Variants in LIFR observed in about 807,000 individuals in gnomAD.
The protein encoded by LIFR is LIF receptor subunit alpha.
Under a neutral mutation model 122.2 loss-of-function variants are expected in LIFR, and 84 were observed. The observed-to-expected ratio is 0.69, with a 90% CI of 0.58 to 0.82. The LOEUF is 0.82. Ranked by LOEUF, LIFR falls within the 40% of genes least tolerant of loss-of-function variation. LIFR has a pLI of 0.00. For synonymous variants in LIFR, 422 were observed against 434.7 expected (o/e 0.97, Z 0.36); for missense variants, 1,294 against 1,311.6 (o/e 0.99, Z 0.21).
chr5:38,599,045 C>T (rs540057239), upstream of LIFR, among the ~76,000 whole-genome samples: 1 of 152,160 alleles, frequency 6.6e-6, no homozygotes, highest in Admixed American at 6.5e-5. Flanking sequence ...TCTTCTGGGT[C>T]CTAAACCTTA....
chr5:38,541,585 TC>T (rs1208988391), intron 1 of LIFR, among the ~76,000 whole-genome samples: 1 of 152,228 alleles, frequency 6.6e-6, no homozygotes, highest in Non-Finnish European at 1.5e-5. Context: ...GAGTGCTAAT[TC>T]ATAGGATGAT....
intron 1 of LIFR, among the ~76,000 whole-genome samples, chr5:38,587,926 G>A (rs1287682944): frequency 6.6e-6 from 1 of 152,220 alleles, no homozygotes; most frequent in African/African-American, 2.4e-5. Context: ...GGGATTCAAA[G>A]GCCCTGGCCT....
chr5:38,484,943 T>C (rs1306675141), intron 17 of LIFR, 75 bp from the exon 18 acceptor site: 3 of 998,004 alleles, frequency 3.0e-6, no homozygotes, highest in Middle Eastern at 2.0e-4. Flanking sequence ...TGTTAGAAGG[T>C]ATTTAGGTTG....
Position 38,476,455 on chromosome 5 carries a change from G to C in LIFR, c.*5140C>G, listed in dbSNP as rs1486260926. 4.8e-6 allele frequency: 1 copy of C among 210,050 alleles called. No homozygotes were observed. The highest frequency in any genetic ancestry group is 9.6e-6 in the Non-Finnish European group (1 of 103,738). 13.0% of individuals were successfully genotyped at this position (210,050 alleles called of 1,614,324 possible). A position where few individuals can be genotyped will look rare whatever the true frequency, so the allele number is the denominator to read the frequency against. ...TATAAGGAAATTCAACAACTTAAGT[G>C]AGCCATTCAATCACGTGTGCAAAGT... On this transcript the variant is annotated 3_prime_UTR_variant, in exon 20 of 20. Coordinates refer to ENST00000453190, the MANE Select transcript of LIFR (RefSeq NM_001127671.2).
intron 1 of LIFR, among the ~76,000 whole-genome samples, chr5:38,577,377 C>G (rs1749421711): frequency 6.6e-6 from 1 of 152,238 alleles, no homozygotes; most frequent in South Asian, 2.1e-4. Context: ...TTATTCCCTA[C>G]CCAGCTCTCA....
chr5:38,513,479 T>C (rs1745912641), intron 5 of LIFR, among the ~76,000 whole-genome samples: 1 of 152,204 alleles, frequency 6.6e-6, no homozygotes, highest in African/African-American at 2.4e-5. Flanking sequence ...GGCAGAAGAA[T>C]AAAGATTTAT....
In LIFR at chr5:38,475,576, T is replaced by C. The variant is rs1398867977; in HGVS notation, c.*6019A>G. ...ATTAGTAAACAGTTACTAGTATTTATAAAAAACTTAAAATATTTAACATAT... is the reference window on the plus strand; with the variant it reads ...ATTAGTAAACAGTTACTAGTATTTACAAAAAACTTAAAATATTTAACATAT... On this transcript the variant is annotated 3_prime_UTR_variant, in exon 20 of 20. Coordinates refer to ENST00000453190, the MANE Select transcript of LIFR (RefSeq NM_001127671.2). The C allele has an allele frequency of 5.3e-6, 1 of 187,830 alleles. No homozygotes were observed. Among genetic ancestry groups the C allele is most frequent in the African/African-American group, 2.3e-5 (1 of 42,828 alleles). 11.6% of individuals were successfully genotyped at this position (187,830 alleles called of 1,614,324 possible).
chr5:38,477,594 T>C lies in LIFR; in HGVS notation c.*4001A>G. On this transcript the variant is annotated 3_prime_UTR_variant, in exon 20 of 20. Transcript: ENST00000453190. ...CACTTAAAATTATGGAGAAATAAGATATCTAGTGATATACAGGCATGAGTC... is the reference window on the plus strand; with the variant it reads ...CACTTAAAATTATGGAGAAATAAGACATCTAGTGATATACAGGCATGAGTC... 1 of 212,260 alleles carries C rather than the reference T, an allele frequency of 4.7e-6. No individual in the cohort carries two copies. The highest frequency in any genetic ancestry group is 9.6e-6 in the Non-Finnish European group (1 of 104,690). The allele number at this position is 212,260 out of a possible 1,614,324, so 13.1% of individuals were successfully genotyped here.
intron 1 of LIFR, among the ~76,000 whole-genome samples, chr5:38,592,819 A>G (rs1414127808): frequency 1.3e-5 from 2 of 152,134 alleles, no homozygotes; most frequent in Admixed American, 6.5e-5. Context: ...TGCAAATTTA[A>G]TGGTAATAAA....
intron 4 of LIFR, 59 bp downstream of exon 4, chr5:38,527,096 C>T: frequency 6.8e-7 from 1 of 1,465,296 alleles, no homozygotes; most frequent in African/African-American, 1.4e-5. Flanking sequence ...GAAAGCACCA[C>T]AATACTAACA....
intron 14 of LIFR, among the ~76,000 whole-genome samples, chr5:38,492,978 T>C (rs1017190324): frequency 1.8e-4 from 27 of 152,176 alleles, no homozygotes; most frequent in Admixed American, 9.2e-4. Context: ...TCAGGCTGCA[T>C]CCCATAGAGG....
chr5:38,527,034 G>T, intron 4 of LIFR, 121 bp downstream of exon 4: 1 of 864,964 alleles, frequency 1.2e-6, no homozygotes. Context: ...TCATAGGGAG[G>T]TTGCTGAGTG....
rs1743930104 is a variant in LIFR at position 38,480,468 on chromosome 5, A to T, written c.*1127T>A. 4.6e-6 allele frequency: 1 copy of T among 216,946 alleles called. No homozygotes were observed. Among genetic ancestry groups the T allele is most frequent in the South Asian group, 1.9e-4 (1 of 5,404 alleles). 13.4% of individuals were successfully genotyped at this position (216,946 alleles called of 1,614,324 possible). On this transcript the variant is annotated 3_prime_UTR_variant, in exon 20 of 20. Transcript: ENST00000453190. The stretch of plus-strand genomic sequence containing the variant: ...GCCCTTGGGTAACTGTTCCTGTAAG[A>T]AGCATTCTCTCTTTAGTTTTATATT...
chr5:38,552,278 G>A (rs2112656403), intron 1 of LIFR, among the ~76,000 whole-genome samples: 1 of 152,338 alleles, frequency 6.6e-6, no homozygotes, highest in African/African-American at 2.4e-5. Flanking sequence ...AGTCACAGGA[G>A]AAAGATGTAG....
intron 18 of LIFR, among the ~76,000 whole-genome samples, chr5:38,483,542 C>T (rs1013930443): frequency 1.3e-5 from 2 of 152,070 alleles, no homozygotes; most frequent in Non-Finnish European, 2.9e-5. Context: ...CTGCCTCAGC[C>T]TCCTAGCCTC....
intron 1 of LIFR, among the ~76,000 whole-genome samples, chr5:38,545,738 T>C (rs2112631320): frequency 6.6e-6 from 1 of 151,672 alleles, no homozygotes; most frequent in East Asian, 1.9e-4. Context: ...GGCGGGCGCC[T>C]GTAGTCCCAG....
At chr5:38,499,487 T>C (rs890118001) in intron 12 of LIFR, 26 bp downstream of exon 12, 2 of 1,454,486 alleles carry the variant, frequency 1.4e-6, no homozygotes, top group East Asian at 4.5e-5. Flanking sequence ...GTAATGTAAA[T>C]GTTCACAGAA....
At chr5:38,491,206 C>G (rs1472579253) in intron 14 of LIFR, among the ~76,000 whole-genome samples, 1 of 152,164 alleles carries the variant, frequency 6.6e-6, no homozygotes, top group African/African-American at 2.4e-5. Context: ...AGAGGTACTT[C>G]CAATTGAAGT....
At chr5:38,554,766 C>G (rs927622327) in intron 1 of LIFR, among the ~76,000 whole-genome samples, 6 of 152,198 alleles carry the variant, frequency 3.9e-5, no homozygotes, top group Non-Finnish European at 8.8e-5. Flanking sequence ...GAGAGGTATA[C>G]TCCGTATCTT....
Sources: gnomAD v4.1 joint callset for allele counts (sites outside exome capture counted in the v4.1 genomes callset) on GRCh38, gnomAD v4.1.1 for gene constraint, MANE v1.5 for transcripts, NCBI Gene and HGNC (gene_info 2026-07-23, HGNC 2026-07-21) for gene names.